Variants in MED27 observed in about 807,000 individuals in gnomAD.
The protein encoded by MED27 is mediator of RNA polymerase II transcription subunit 27.
MED27 carries 30 observed loss-of-function variants against 38.2 expected under a neutral mutation model. The observed-to-expected ratio is 0.79, with a 90% CI of 0.59 to 1.07. The LOEUF (loss-of-function observed/expected upper bound fraction) is 1.07, where lower values mean the gene tolerates loss of function less well. MED27 is among the 50% of genes least tolerant of loss of function. The pLI, the probability that MED27 is intolerant of heterozygous loss-of-function variation, is 0.00. For missense variants in MED27, 289 were observed against 397.5 expected (o/e 0.73, Z 2.32); for synonymous variants, 122 against 153.5 (o/e 0.79, Z 1.52).
At chr9:131,958,542 G>C (rs755529378) in intron 3 of MED27, among the ~76,000 whole-genome samples, 1 of 152,164 alleles carries the variant, frequency 6.6e-6, no homozygotes, top group Admixed American at 6.5e-5. Context: ...CACTGCACCC[G>C]GCCAAATTAA....
At chr9:131,922,600 C>T (rs1830414402) in intron 4 of MED27, among the ~76,000 whole-genome samples, 1 of 151,682 alleles carries the variant, frequency 6.6e-6, no homozygotes, top group African/African-American at 2.4e-5. Flanking sequence ...ACCGCCACAC[C>T]CAGCTAATTT....
At chr9:131,930,330 C>A (rs1256605331) in intron 4 of MED27, among the ~76,000 whole-genome samples, 1 of 152,020 alleles carries the variant, frequency 6.6e-6, no homozygotes, top group Non-Finnish European at 1.5e-5. Flanking sequence ...TCTCAAAGGT[C>A]AAGGATAAAG....
chr9:131,880,149 T>G (rs1187590350), intron 6 of MED27, among the ~76,000 whole-genome samples: 1 of 151,896 alleles, frequency 6.6e-6, no homozygotes, highest in Non-Finnish European at 1.5e-5. Context: ...GCATGCTTCG[T>G]GCTTTCTACC....
intron 4 of MED27, among the ~76,000 whole-genome samples, chr9:131,939,152 C>T (rs1482305753): frequency 6.6e-6 from 1 of 152,208 alleles, no homozygotes; most frequent in Non-Finnish European, 1.5e-5. Context: ...CTTACAGTGT[C>T]TTTCCTCTCT....
At chr9:131,944,979 A>T (rs1383961634) in intron 3 of MED27, among the ~76,000 whole-genome samples, 3 of 151,750 alleles carry the variant, frequency 2.0e-5, no homozygotes, top group Non-Finnish European at 4.4e-5. Context: ...TCCCTGCTTT[A>T]GCCCTGTTCT....
chr9:131,973,457 C>CTTTTTTTTTTTTTTTTTTTTTTTTT (rs747946439), intron 3 of MED27, among the ~76,000 whole-genome samples: 3 of 122,172 alleles, frequency 2.5e-5, no homozygotes, highest in African/African-American at 9.4e-5. Flanking sequence ...TTTTTCTTTT[C>CTTTTTTTTTTTTTTTTTTTTTTTTT]TTTTTTTTTT....
At chr9:132,008,129 C>T (rs966843233) in intron 3 of MED27, among the ~76,000 whole-genome samples, 2 of 152,226 alleles carry the variant, frequency 1.3e-5, no homozygotes, top group Non-Finnish European at 2.9e-5. Flanking sequence ...CTAGGCCATT[C>T]AGCCTGGCCA....
chr9:131,878,393 C>T (rs1345754192), intron 6 of MED27, among the ~76,000 whole-genome samples: 2 of 152,170 alleles, frequency 1.3e-5, no homozygotes, highest in Non-Finnish European at 2.9e-5. Context: ...CCACCATGCA[C>T]AATCCATTTG....
At position 132,071,857 on chromosome 9, in the gene MED27, C is replaced by G. The variant is rs533801814; in HGVS notation, c.348+5585G>C. Among the ~76,000 whole-genome samples, 242 of 150,164 alleles carry G rather than the reference C, an allele frequency of 1.6e-3. 1 individual carries two copies. The highest frequency in any genetic ancestry group is 5.9e-3 in the African/African-American group (240 of 40,880). ...CACATACACACACCCCATGAACAAGCACACACACACACACGCATAACACGC... is the reference window on the plus strand; with the variant it reads ...CACATACACACACCCCATGAACAAGGACACACACACACACGCATAACACGC... On this transcript the variant is annotated intron_variant, in intron 2 of 7. Transcript: ENST00000292035.
intron 3 of MED27, among the ~76,000 whole-genome samples, chr9:131,986,151 C>G (rs941472731): frequency 2.0e-5 from 3 of 152,052 alleles, no homozygotes; most frequent in Non-Finnish European, 4.4e-5. Flanking sequence ...TAATTTATTA[C>G]GGAAGAAAAA....
chr9:131,935,467 G>A (rs993831871), intron 4 of MED27, among the ~76,000 whole-genome samples: 3 of 152,208 alleles, frequency 2.0e-5, no homozygotes, highest in African/African-American at 7.2e-5. Context: ...ACCCCAACAT[G>A]CCTTGGCAAG....
intron 2 of MED27, among the ~76,000 whole-genome samples, chr9:132,044,108 C>G (rs1215085736): frequency 6.6e-6 from 1 of 151,968 alleles, no homozygotes. Flanking sequence ...AAAAAAGTCA[C>G]AGAGGGACAA....
chr9:131,938,139 AACACGCACGC>A (rs1352176455), intron 4 of MED27, among the ~76,000 whole-genome samples: 1 of 152,166 alleles, frequency 6.6e-6, no homozygotes, highest in Non-Finnish European at 1.5e-5. Context: ...TTAAGACCAA[AACACGCACGC>A]ACACACAATG....
intron 3 of MED27, among the ~76,000 whole-genome samples, chr9:131,948,523 CA>C (rs1198424458): frequency 6.6e-6 from 1 of 151,238 alleles, no homozygotes; most frequent in Non-Finnish European, 1.5e-5. Flanking sequence ...AACAAAAAAC[CA>C]AAACATAACA....
chr9:131,927,162 G>A (rs1330982424), intron 4 of MED27, among the ~76,000 whole-genome samples: 1 of 152,180 alleles, frequency 6.6e-6, no homozygotes, highest in Non-Finnish European at 1.5e-5. Context: ...ACGGAAGCAA[G>A]ATTTATTAAA....
intron 2 of MED27, among the ~76,000 whole-genome samples, chr9:132,028,625 T>A (rs1052898919): frequency 6.6e-6 from 1 of 152,246 alleles, no homozygotes; most frequent in Admixed American, 6.5e-5. Flanking sequence ...ATGGAATTTT[T>A]ATACCTTCTT....
intron 2 of MED27, among the ~76,000 whole-genome samples, chr9:132,018,065 A>T (rs2131082005): frequency 6.6e-6 from 1 of 152,312 alleles, no homozygotes; most frequent in African/African-American, 2.4e-5. Context: ...CTTTGCTGCT[A>T]CCAAACTGGG....
intron 3 of MED27, among the ~76,000 whole-genome samples, chr9:131,952,787 G>A (rs1272652325): frequency 6.6e-6 from 1 of 152,166 alleles, no homozygotes; most frequent in Non-Finnish European, 1.5e-5. Flanking sequence ...TCTTACCCCT[G>A]GGGGAAGGAT....
At chr9:132,077,638 G>A in intron 1 of MED27, 52 bp from the exon 2 acceptor site, 1 of 1,588,750 alleles carries the variant, frequency 6.3e-7, no homozygotes, top group Non-Finnish European at 8.6e-7. Flanking sequence ...TACACTCCAG[G>A]GTAAAGCCAG....
Sources: gnomAD v4.1 joint callset for allele counts (sites outside exome capture counted in the v4.1 genomes callset) on GRCh38, gnomAD v4.1.1 for gene constraint, MANE v1.5 for transcripts, NCBI Gene and HGNC (gene_info 2026-07-23, HGNC 2026-07-21) for gene names.